The following SLC7A14 variants were observed in gnomAD, a reference collection of about 807,000 sequenced individuals.
SLC7A14 encodes the protein gamma-aminobutyric acid transporter SLC7A14.
Under a neutral mutation model 60.2 loss-of-function variants are expected in SLC7A14, and 37 were observed. The ratio of observed to expected loss-of-function variants is 0.61; its 90% CI spans 0.47 to 0.81. The LOEUF (loss-of-function observed/expected upper bound fraction) is 0.81, where lower values mean the gene tolerates loss of function less well. SLC7A14 is among the 30% of genes least tolerant of loss of function. The probability of loss-of-function intolerance (pLI) is 0.00; values close to 1 mark genes in which losing one functional copy is unlikely to be tolerated. For missense variants in SLC7A14, 886 were observed against 982.7 expected, an observed-to-expected ratio of 0.90 and a Z score of 1.32; for synonymous variants, 399 against 395.8, an observed-to-expected ratio of 1.01 and a Z score of -0.10.
intron 2 of SLC7A14, among the ~76,000 whole-genome samples, chr3:170,510,718 G>A (rs1712953404): frequency 6.6e-6 from 1 of 152,166 alleles, no homozygotes; most frequent in Non-Finnish European, 1.5e-5. Flanking sequence ...GGCCCAGATT[G>A]GTCCTTCTTC....
At chr3:170,561,095 G>A (rs769359145) in intron 1 of SLC7A14, among the ~76,000 whole-genome samples, 10 of 152,012 alleles carry the variant, frequency 6.6e-5, no homozygotes, top group Non-Finnish European at 1.3e-4. Flanking sequence ...TCTTCCTTCT[G>A]ACTCTTTCCT....
intron 1 of SLC7A14, among the ~76,000 whole-genome samples, chr3:170,546,589 A>G (rs1372952940): frequency 6.6e-6 from 1 of 152,208 alleles, no homozygotes; most frequent in Non-Finnish European, 1.5e-5. Context: ...TATGAAACCT[A>G]GCATTGTACT....
At chr3:170,496,704 T>A (rs1051534212) in intron 4 of SLC7A14, 33 of 889,978 alleles carry the variant, frequency 3.7e-5, no homozygotes, top group Non-Finnish European at 7.5e-6. Context: ...GTGGTCTGAG[T>A]TCCGCCTATG....
chr3:170,522,729 C>T (rs80209023), intron 2 of SLC7A14, among the ~76,000 whole-genome samples: 1,913 of 152,086 alleles, frequency 0.013, 25 homozygotes, highest in Non-Finnish European at 0.02. Context: ...GAAGCTTACA[C>T]GATTATATGT....
At chr3:170,550,678 T>A (rs1458677310) in intron 1 of SLC7A14, among the ~76,000 whole-genome samples, 3 of 151,786 alleles carry the variant, frequency 2.0e-5, no homozygotes, top group Admixed American at 6.6e-5. Flanking sequence ...CCTGCCACCA[T>A]GCCTGAATAA....
At chr3:170,471,027 C>T (rs944075472) in intron 7 of SLC7A14, among the ~76,000 whole-genome samples, 1 of 151,980 alleles carries the variant, frequency 6.6e-6, no homozygotes, top group African/African-American at 2.4e-5. Context: ...TCCCAAAGAG[C>T]TCAAAATGTT....
intron 7 of SLC7A14, among the ~76,000 whole-genome samples, chr3:170,474,458 T>A (rs1711553437): frequency 6.6e-6 from 1 of 152,124 alleles, no homozygotes; most frequent in South Asian, 2.1e-4. Context: ...TCACCCTCCC[T>A]CCTTGGAATC....
chr3:170,483,626 G>A (rs1711920121), intron 5 of SLC7A14, 104 bp from the exon 6 acceptor site: 15 of 1,253,276 alleles, frequency 1.2e-5, no homozygotes, highest in South Asian at 2.6e-5. Context: ...GCAGAGGCTT[G>A]CATGGCAGTT....
In SLC7A14 at chr3:170,464,791, T is replaced by C. The variant is rs1413804091; in HGVS notation, c.*2264A>G. The C allele has an allele frequency of 6.6e-6, 1 of 152,218 alleles. No individual in the cohort carries two copies. Among genetic ancestry groups the C allele is most frequent in the Non-Finnish European group, 1.5e-5 (1 of 68,040 alleles). 9.4% of individuals were successfully genotyped at this position (152,218 alleles called of 1,614,324 possible). On this transcript the variant is annotated 3_prime_UTR_variant, in exon 8 of 8. Transcript: ENST00000231706. ...CACCAGGCTATTGTTACTTTAATAC[T>C]TAAACCTCACTAGTAAAAGGAAGCT...
At chr3:170,538,906 C>T (rs1206960247) in intron 1 of SLC7A14, among the ~76,000 whole-genome samples, 3 of 152,214 alleles carry the variant, frequency 2.0e-5, no homozygotes, top group Admixed American at 2.0e-4. Context: ...TCCTTTGGGA[C>T]TCAGCTTATA....
At position 170,486,446 on chromosome 3, in the gene SLC7A14, T is replaced by C. The variant is rs528987978; in HGVS notation, c.760-78A>G. 1.3e-5 allele frequency: 21 copies of C among 1,581,176 alleles called. No individual in the cohort carries two copies. In the Admixed American group the frequency reaches 3.0e-4, roughly 23 times the overall value. On this transcript the variant is annotated intron_variant, in intron 4 of 7. Coordinates refer to ENST00000231706, the MANE Select transcript of SLC7A14 (RefSeq NM_020949.3). Reference sequence around the variant, plus strand: ...TCTTAAATGTGGAAAGTGCAATTGCTCTATGCCCTGCAGACATGACTGAGT... The same window carrying C: ...TCTTAAATGTGGAAAGTGCAATTGCCCTATGCCCTGCAGACATGACTGAGT...
chr3:170,574,742 C>T (rs558608615), intron 1 of SLC7A14, among the ~76,000 whole-genome samples: 6 of 152,284 alleles, frequency 3.9e-5, no homozygotes, highest in African/African-American at 7.2e-5. Flanking sequence ...TTCTATCCAT[C>T]CTGTGGGGTT....
intron 2 of SLC7A14, among the ~76,000 whole-genome samples, chr3:170,515,674 CCT>C (rs1713134204): frequency 6.6e-6 from 1 of 151,914 alleles, no homozygotes; most frequent in South Asian, 2.1e-4. Flanking sequence ...AAATCTTTCC[CCT>C]CTCTTGGTTG....
intron 2 of SLC7A14, among the ~76,000 whole-genome samples, chr3:170,514,245 C>T (rs1713079840): frequency 6.6e-6 from 1 of 152,200 alleles, no homozygotes; most frequent in South Asian, 2.1e-4. Flanking sequence ...CTGTGATCAG[C>T]GAGTTAGACT....
chr3:170,577,233 C>T (rs942239204), intron 1 of SLC7A14, among the ~76,000 whole-genome samples: 51 of 152,138 alleles, frequency 3.4e-4, no homozygotes, highest in Non-Finnish European at 6.5e-4. Context: ...TGGTGCTGGC[C>T]CAAGTGTCAC....
intron 2 of SLC7A14, among the ~76,000 whole-genome samples, chr3:170,526,301 C>A (rs1713497467): frequency 6.6e-6 from 1 of 151,518 alleles, no homozygotes; most frequent in Non-Finnish European, 1.5e-5. Context: ...ACTCAGAAGG[C>A]TGAAGCAGGA....
chr3:170,490,365 AACAC>A (rs1388244635), intron 4 of SLC7A14, among the ~76,000 whole-genome samples: 10 of 152,190 alleles, frequency 6.6e-5, no homozygotes, highest in South Asian at 6.3e-4. Flanking sequence ...AACACAGATA[AACAC>A]ACATACATAC....
At chr3:170,504,893 T>C (rs1051594424) in intron 2 of SLC7A14, among the ~76,000 whole-genome samples, 2 of 152,142 alleles carry the variant, frequency 1.3e-5, no homozygotes, top group African/African-American at 4.8e-5. Flanking sequence ...GTGTCTACGG[T>C]TCTCATGATG....
intron 1 of SLC7A14, among the ~76,000 whole-genome samples, chr3:170,536,638 G>T (rs1713850499): frequency 6.6e-6 from 1 of 152,184 alleles, no homozygotes; most frequent in South Asian, 2.1e-4. Context: ...GAGACCGGAG[G>T]TTTTGTCCCA....
Sources: gnomAD v4.1 joint callset for allele counts (sites outside exome capture counted in the v4.1 genomes callset) on GRCh38, gnomAD v4.1.1 for gene constraint, MANE v1.5 for transcripts, NCBI Gene and HGNC (gene_info 2026-07-23, HGNC 2026-07-21) for gene names.